FAM20C: variants seen among roughly 807,000 people sequenced by gnomAD.
FAM20C encodes FAM20C golgi associated secretory pathway kinase, also known as extracellular serine/threonine protein kinase FAM20C.
Under a neutral mutation model 51.5 loss-of-function variants are expected in FAM20C, and 40 were observed. The observed-to-expected ratio is 0.78, with a 90% CI of 0.60 to 1.01. The LOEUF (loss-of-function observed/expected upper bound fraction) is 1.01, where lower values mean the gene tolerates loss of function less well. Among genes scored for constraint, FAM20C ranks in the 50% least tolerant of loss-of-function variants. FAM20C has a pLI of 0.00. For synonymous variants in FAM20C, 406 were observed against 380.6 expected (o/e 1.07, Z -0.78); for missense variants, 861 against 844.7 (o/e 1.02, Z -0.24).
At chr7:223,725 T>C (rs550184234) in intron 3 of FAM20C, among the ~76,000 whole-genome samples, 1 of 152,242 alleles carries the variant, frequency 6.6e-6, no homozygotes, top group East Asian at 1.9e-4. Flanking sequence ...GGTCCCGGCA[T>C]TGGCCTTGCC....
intron 5 of FAM20C, among the ~76,000 whole-genome samples, chr7:251,972 C>T (rs36170325): frequency 0.23 from 34,559 of 152,230 alleles, 4,774 homozygotes; most frequent in Middle Eastern, 0.31. Context: ...CCACTCCAGC[C>T]GCGCTGCCCT....
At chr7:243,934 TAATA>T in intron 3 of FAM20C, among the ~76,000 whole-genome samples, 1 of 125,680 alleles carries the variant, frequency 8.0e-6, no homozygotes, top group African/African-American at 2.9e-5. Context: ...ATAATAATAA[TAATA>T]ATAATAATTA....
At chr7:217,710 A>C (rs1562377131) in intron 3 of FAM20C, among the ~76,000 whole-genome samples, 2 of 152,140 alleles carry the variant, frequency 1.3e-5, no homozygotes, top group South Asian at 4.1e-4. Context: ...ACGTCCAGAG[A>C]GGGCAAAACA....
chr7:248,292 A>G, intron 4 of FAM20C, 23 bp from the exon 5 acceptor site: 3 of 1,478,298 alleles, frequency 2.0e-6, no homozygotes, highest in South Asian at 1.2e-5. Context: ...AGCACAGACC[A>G]TTCCCCGCCC....
At chr7:256,412 A>G in intron 6 of FAM20C, 1 of 577,502 alleles carries the variant, frequency 1.7e-6, no homozygotes, top group Non-Finnish European at 3.1e-6. Context: ...AGACTCTGCA[A>G]AAAACACGGG....
intron 3 of FAM20C, chr7:246,115 C>T (rs1788143210): frequency 1.0e-5 from 3 of 298,798 alleles, no homozygotes; most frequent in Non-Finnish European, 1.9e-5. Context: ...GAGAAGGGCC[C>T]ATGGGGAGCT....
intron 3 of FAM20C, among the ~76,000 whole-genome samples, chr7:237,350 C>T (rs961214889): frequency 2.4e-4 from 37 of 152,318 alleles, no homozygotes; most frequent in Admixed American, 1.2e-3. Flanking sequence ...TAGAAAAGCT[C>T]ACATTTTAGC....
chr7:252,741 G>A lies in FAM20C; in HGVS notation c.1073-3108G>A, dbSNP rs147160363. On this transcript the variant is annotated intron_variant, in intron 5 of 9. Transcript: ENST00000313766. ...AGCCCCAGGCAGCCCCCTGCCCCAC[G>A]TAGGGATTGTGGAGCTCAGGTTCAG... Among the ~76,000 whole-genome samples, 225 of 152,328 alleles carry A rather than the reference G, an allele frequency of 1.5e-3. 1 individual carries two copies. The highest frequency in any genetic ancestry group is 5.1e-3 in the African/African-American group (213 of 41,584).
Position 193,841 on chromosome 7 carries a change from GCC to G in FAM20C, c.605+38_605+39del, listed in dbSNP as rs772689263. The G allele has an allele frequency of 1.3e-3, 2,022 of 1,543,516 alleles. 1 individual carries two copies. The highest frequency in any genetic ancestry group is 1.7e-3 in the Non-Finnish European group (1,952 of 1,143,210). Reference sequence around the variant, plus strand: ...CTGGCAGGTGCCCACCCCCAAGGGAGCCGTGAGCCCAAGGCATGGTGTAGAGA... The same window carrying G: ...CTGGCAGGTGCCCACCCCCAAGGGAGGTGAGCCCAAGGCATGGTGTAGAGA... On this transcript the variant is annotated intron_variant, in intron 1 of 9. Coordinates refer to ENST00000313766, the MANE Select transcript of FAM20C (RefSeq NM_020223.4).
At chr7:255,762 G>A (rs1788564662) in intron 5 of FAM20C, 87 bp from the exon 6 acceptor site, 2 of 1,447,204 alleles carry the variant, frequency 1.4e-6, no homozygotes, top group East Asian at 2.5e-5. Flanking sequence ...ACCAGGCAGA[G>A]CCCGGCCCGG....
intron 2 of FAM20C, among the ~76,000 whole-genome samples, chr7:196,733 C>G (rs973672391): frequency 6.6e-6 from 1 of 152,196 alleles, no homozygotes; most frequent in Admixed American, 6.5e-5. Flanking sequence ...TTCAGGCCAG[C>G]AGGTAGGTTC....
chr7:211,591 G>T (rs1786717401), intron 3 of FAM20C, among the ~76,000 whole-genome samples: 3 of 152,144 alleles, frequency 2.0e-5, no homozygotes, highest in African/African-American at 7.2e-5. Context: ...GTTTGTCAGG[G>T]CCCTGCCATC....
At chr7:214,864 G>C (rs528868989) in intron 3 of FAM20C, among the ~76,000 whole-genome samples, 2 of 152,154 alleles carry the variant, frequency 1.3e-5, no homozygotes, top group Non-Finnish European at 2.9e-5. Flanking sequence ...GGCTGCCCAT[G>C]ACACTGGCTG....
At chr7:257,283 G>A in intron 8 of FAM20C, 197 bp downstream of exon 8, 1 of 597,032 alleles carries the variant, frequency 1.7e-6, no homozygotes, top group Non-Finnish European at 3.0e-6. Flanking sequence ...CCCCGGGAGT[G>A]GGACCTCCGA....
intron 3 of FAM20C, among the ~76,000 whole-genome samples, chr7:231,282 C>T (rs73252883): frequency 0.036 from 5,505 of 152,110 alleles, 353 homozygotes; most frequent in African/African-American, 0.12. Flanking sequence ...TCGGGGAGCC[C>T]GGGGTGGCCG....
At chr7:226,908 G>A (rs904843245) in intron 3 of FAM20C, among the ~76,000 whole-genome samples, 2 of 152,202 alleles carry the variant, frequency 1.3e-5, no homozygotes, top group African/African-American at 2.4e-5. Context: ...AACCCTCAGA[G>A]AGTGCGGTTC....
In FAM20C at chr7:197,747, G is replaced by A. The variant is rs531214628; in HGVS notation, c.784+2015G>A. ...CAGCTCGCCACCTCCCTCACCGACCGGTCAGCTTTCCAACACCAACACTGA... is the reference window on the plus strand; with the variant it reads ...CAGCTCGCCACCTCCCTCACCGACCAGTCAGCTTTCCAACACCAACACTGA... On this transcript the variant is annotated intron_variant, in intron 2 of 9. Coordinates refer to ENST00000313766, the MANE Select transcript of FAM20C (RefSeq NM_020223.4). Among the ~76,000 whole-genome samples, 27 of 152,280 alleles carry A rather than the reference G, an allele frequency of 1.8e-4. No individual in the cohort carries two copies. The South Asian group carries it at 5.4e-3, about 30-fold the overall frequency.
intron 3 of FAM20C, among the ~76,000 whole-genome samples, chr7:212,993 ACTAG>A (rs1786792963): frequency 6.6e-6 from 1 of 152,148 alleles, no homozygotes; most frequent in Non-Finnish European, 1.5e-5. Flanking sequence ...CCCGTCAAGC[ACTAG>A]CCTACTTTCT....
At chr7:233,188 C>T (rs906818678) in intron 3 of FAM20C, among the ~76,000 whole-genome samples, 12 of 152,220 alleles carry the variant, frequency 7.9e-5, no homozygotes, top group Non-Finnish European at 1.5e-4. Flanking sequence ...CGTGAGGACG[C>T]GTCGCCTGGC....
Sources: gnomAD v4.1 joint callset for allele counts (sites outside exome capture counted in the v4.1 genomes callset) on GRCh38, gnomAD v4.1.1 for gene constraint, MANE v1.5 for transcripts, NCBI Gene and HGNC (gene_info 2026-07-23, HGNC 2026-07-21) for gene names.